DNAJC1: variants seen among roughly 807,000 people sequenced by gnomAD.
DNAJC1 encodes DnaJ heat shock protein family (Hsp40) member C1.
DNAJC1 carries 58 observed loss-of-function variants against 76.6 expected under a neutral mutation model. The observed-to-expected ratio is 0.76, with a 90% CI of 0.61 to 0.94. The LOEUF is 0.94. Among genes scored for constraint, DNAJC1 ranks in the 40% least tolerant of loss-of-function variants. DNAJC1 has a pLI of 0.00. For synonymous variants in DNAJC1, 258 were observed against 267.9 expected (o/e 0.96, Z 0.36); for missense variants, 689 against 677.3 (o/e 1.02, Z -0.19).
At position 21,772,594 on chromosome 10, in the gene DNAJC1, T is replaced by C. The variant is rs192754853; in HGVS notation, c.1099-6285A>G. 3.3e-3 allele frequency among the ~76,000 whole-genome samples: 502 copies of C among 152,282 alleles called. 4 individuals carry two copies. The highest frequency in any genetic ancestry group is 0.011 in the African/African-American group (472 of 41,568). ...AGATTGGCAGTAATGTCCTTTTTTT[T>C]GACCCTAGAAATTTGAGTCCTTTCT... is the stretch of plus-strand genomic sequence containing the variant. On this transcript the variant is annotated intron_variant, in intron 9 of 11. Transcript: ENST00000376980.
At chr10:21,982,000 A>C (rs1213987647) in intron 1 of DNAJC1, among the ~76,000 whole-genome samples, 1 of 152,316 alleles carries the variant, frequency 6.6e-6, no homozygotes, top group East Asian at 1.9e-4. Flanking sequence ...TGCCTTTGGC[A>C]AAAACCTTGT....
chr10:21,957,363 C>G (rs555345674), intron 1 of DNAJC1, among the ~76,000 whole-genome samples: 5 of 152,120 alleles, frequency 3.3e-5, no homozygotes, highest in Non-Finnish European at 7.4e-5. Flanking sequence ...TTCTTTTCCT[C>G]TATTATCCTA....
intron 8 of DNAJC1, among the ~76,000 whole-genome samples, chr10:21,878,271 C>T (rs915601191): frequency 2.0e-5 from 3 of 152,202 alleles, no homozygotes; most frequent in African/African-American, 4.8e-5. Context: ...ACTGGAGAGA[C>T]AAACTGCTCA....
At chr10:21,986,400 AACT>A (rs1416976293) in intron 1 of DNAJC1, among the ~76,000 whole-genome samples, 1 of 152,176 alleles carries the variant, frequency 6.6e-6, no homozygotes, top group African/African-American at 2.4e-5. Context: ...TTTCTTTAAT[AACT>A]ACTACTATTG....
chr10:21,940,687 A>G (rs1033064924), intron 1 of DNAJC1, among the ~76,000 whole-genome samples: 1 of 152,202 alleles, frequency 6.6e-6, no homozygotes, highest in Non-Finnish European at 1.5e-5. Flanking sequence ...TAAGATTAAA[A>G]AAGTAAGCGT....
chr10:21,893,861 T>C (rs550368135), intron 7 of DNAJC1, among the ~76,000 whole-genome samples: 3 of 151,366 alleles, frequency 2.0e-5, no homozygotes, highest in Non-Finnish European at 4.4e-5. Flanking sequence ...ACAAAAACCA[T>C]AGAGAAAATC....
intron 8 of DNAJC1, among the ~76,000 whole-genome samples, chr10:21,822,300 A>T (rs2252343): frequency 0.64 from 97,663 of 151,576 alleles, 32,038 homozygotes; most frequent in East Asian, 0.95. Context: ...TTAGCCAGGC[A>T]TGGTGGTGCA....
chr10:21,857,873 A>C (rs569819403), intron 8 of DNAJC1, among the ~76,000 whole-genome samples: 15 of 151,268 alleles, frequency 9.9e-5, no homozygotes, highest in African/African-American at 3.4e-4. Flanking sequence ...AAACAAACAA[A>C]CAAAAAAAAA....
chr10:21,935,076 T>A (rs534147842), intron 1 of DNAJC1, among the ~76,000 whole-genome samples: 52 of 151,990 alleles, frequency 3.4e-4, no homozygotes, highest in Non-Finnish European at 5.2e-4. Context: ...TAATACTCAA[T>A]AAAAAATTAT....
intron 4 of DNAJC1, 103 bp downstream of exon 4, chr10:21,920,695 T>A (rs1445187237): frequency 9.4e-7 from 1 of 1,059,024 alleles, no homozygotes; most frequent in African/African-American, 1.6e-5. Context: ...GAATGAGAAG[T>A]ATACAGAGAG....
intron 1 of DNAJC1, among the ~76,000 whole-genome samples, chr10:21,970,355 GAA>G (rs1272984755): frequency 6.6e-6 from 1 of 151,558 alleles, no homozygotes; most frequent in Non-Finnish European, 1.5e-5. Flanking sequence ...GTCAACAGTA[GAA>G]AACAACAAAG....
intron 6 of DNAJC1, among the ~76,000 whole-genome samples, chr10:21,910,755 A>C (rs1836841506): frequency 6.7e-6 from 1 of 149,894 alleles, no homozygotes; most frequent in African/African-American, 2.5e-5. Context: ...CCACCATGGC[A>C]CACGTTTCCC....
chr10:21,804,001 G>A lies in DNAJC1; in HGVS notation c.1098+1979C>T, dbSNP rs1834851323. ...TGGGTAAGTCTAGGGAGGAAAAAAAGGAGACATATGGGATGAATTTGCAAA... is the reference window on the plus strand; with the variant it reads ...TGGGTAAGTCTAGGGAGGAAAAAAAAGAGACATATGGGATGAATTTGCAAA... On this transcript the variant is annotated intron_variant, in intron 9 of 11. Coordinates refer to ENST00000376980, the MANE Select transcript of DNAJC1 (RefSeq NM_022365.4). 3 of 982,850 alleles carry A rather than the reference G, an allele frequency of 3.1e-6. No individual in the cohort carries two copies. In the African/African-American group the frequency reaches 5.3e-5, roughly 17 times the overall value. 60.9% of individuals were successfully genotyped at this position (982,850 alleles called of 1,614,324 possible).
At chr10:21,825,334 C>A (rs1211035769) in intron 8 of DNAJC1, among the ~76,000 whole-genome samples, 4 of 152,178 alleles carry the variant, frequency 2.6e-5, no homozygotes, top group Non-Finnish European at 4.4e-5. Context: ...CTTCTGACTT[C>A]TTTCAGTGTT....
At position 22,003,194 on chromosome 10, in the gene DNAJC1, C is replaced by A. The variant is rs371947417; in HGVS notation, c.222+19G>T. 2 of 1,515,188 alleles carry A rather than the reference C, an allele frequency of 1.3e-6. No individual in the cohort carries two copies. Among genetic ancestry groups the A allele is most frequent in the Non-Finnish European group, 1.8e-6 (2 of 1,130,528 alleles). 93.9% of individuals were successfully genotyped at this position (1,515,188 alleles called of 1,614,324 possible). A position where few individuals can be genotyped will look rare whatever the true frequency, so the allele number is the denominator to read the frequency against. On this transcript the variant is annotated intron_variant, in intron 1 of 11. Transcript: ENST00000376980. The stretch of plus-strand genomic sequence containing the variant: ...GCCCTGGCCCCTCTCCGCCCGGCCC[C>A]GCGCGCCTCCTTGCTTACCTGCTGC...
At position 21,837,516 on chromosome 10, in the gene DNAJC1, C is replaced by T. The variant is rs559726374; in HGVS notation, c.979-31417G>A. Among the ~76,000 whole-genome samples, 96 of 151,586 alleles carry T rather than the reference C, an allele frequency of 6.3e-4. 1 individual carries two copies. The highest frequency in any genetic ancestry group is 2.4e-3 in the Admixed American group (37 of 15,226). ...GTCTGAGATGTGGGGAGCGCCTCTG[C>T]CCCACTGCCCCGTCTGGGATGTGAG... On this transcript the variant is annotated intron_variant, in intron 8 of 11. Coordinates refer to ENST00000376980, the MANE Select transcript of DNAJC1 (RefSeq NM_022365.4).
intron 7 of DNAJC1, among the ~76,000 whole-genome samples, chr10:21,891,419 A>G (rs887210986): frequency 6.6e-6 from 1 of 151,076 alleles, no homozygotes; most frequent in Non-Finnish European, 1.5e-5. Flanking sequence ...AGGGAAAAGA[A>G]TCAGTGAATC....
At chr10:21,861,152 G>A (rs1835911896) in intron 8 of DNAJC1, among the ~76,000 whole-genome samples, 1 of 152,158 alleles carries the variant, frequency 6.6e-6, no homozygotes, top group African/African-American at 2.4e-5. Flanking sequence ...AAGGCAGGAG[G>A]AAGACAGATG....
At chr10:21,779,959 A>G (rs1834505839) in intron 9 of DNAJC1, among the ~76,000 whole-genome samples, 1 of 152,222 alleles carries the variant, frequency 6.6e-6, no homozygotes, top group African/African-American at 2.4e-5. Context: ...CACAAGTTTC[A>G]GTAGCCGATT....
Sources: allele counts gnomAD v4.1 joint callset (sites outside exome capture counted in the v4.1 genomes callset), GRCh38; gene constraint gnomAD v4.1.1; transcripts MANE v1.5; gene names NCBI Gene and HGNC (gene_info 2026-07-23, HGNC 2026-07-21).